ST3GAL6: variants seen among roughly 807,000 people sequenced by gnomAD.
The protein encoded by ST3GAL6 is type 2 lactosamine alpha-2,3-sialyltransferase.
In ST3GAL6, 31 loss-of-function variants were observed where a neutral mutation model predicts 40.5. The observed-to-expected ratio is 0.77, with a 90% CI of 0.58 to 1.03. The LOEUF (loss-of-function observed/expected upper bound fraction) is 1.03, where lower values mean the gene tolerates loss of function less well. Among genes scored for constraint, ST3GAL6 ranks in the 50% least tolerant of loss-of-function variants. The pLI, the probability that ST3GAL6 is intolerant of heterozygous loss-of-function variation, is 0.00. For missense variants in ST3GAL6, 357 were observed against 393.2 expected (o/e 0.91, Z 0.78); for synonymous variants, 129 against 136.9 (o/e 0.94, Z 0.40).
chr3:98,741,526 C>T (rs963376195), intron 1 of ST3GAL6, among the ~76,000 whole-genome samples: 1 of 151,938 alleles, frequency 6.6e-6, no homozygotes, highest in Non-Finnish European at 1.5e-5. Context: ...GAGAAGTGCA[C>T]AAAGTTTGGT....
intron 1 of ST3GAL6, among the ~76,000 whole-genome samples, chr3:98,742,492 CAA>C (rs1664170168): frequency 6.6e-6 from 1 of 152,118 alleles, no homozygotes; most frequent in Non-Finnish European, 1.5e-5. Flanking sequence ...GAGAGGTCTG[CAA>C]GGAGGCTAGG....
intron 1 of ST3GAL6, among the ~76,000 whole-genome samples, chr3:98,753,287 TCTAA>T (rs1409455095): frequency 6.6e-6 from 1 of 152,196 alleles, no homozygotes; most frequent in Non-Finnish European, 1.5e-5. Context: ...CAAACAAGGC[TCTAA>T]CTCTTTTCCA....
chr3:98,777,048 T>G (rs564161583), intron 5 of ST3GAL6, among the ~76,000 whole-genome samples: 1 of 152,318 alleles, frequency 6.6e-6, no homozygotes, highest in East Asian at 1.9e-4. Flanking sequence ...CTTCTCTATC[T>G]TGACGCCACC....
At chr3:98,732,850 G>C in intron 1 of ST3GAL6, 1 of 1,508,870 alleles carries the variant, frequency 6.6e-7, no homozygotes, top group Non-Finnish European at 8.8e-7. Flanking sequence ...CCGGCCTCGG[G>C]CTTCTGCGGC....
At chr3:98,790,001 C>T (rs1012142330) in intron 8 of ST3GAL6, among the ~76,000 whole-genome samples, 3 of 151,986 alleles carry the variant, frequency 2.0e-5, no homozygotes, top group African/African-American at 7.3e-5. Context: ...GTTTTAGAAA[C>T]GTGGAGGTCA....
chr3:98,737,574 TCAC>T (rs913085924), intron 1 of ST3GAL6, among the ~76,000 whole-genome samples: 4 of 152,214 alleles, frequency 2.6e-5, no homozygotes, highest in African/African-American at 9.7e-5. Context: ...TGTCTCATCA[TCAC>T]CACTCTATTA....
intron 1 of ST3GAL6, among the ~76,000 whole-genome samples, chr3:98,740,475 T>G (rs1935983717): frequency 6.6e-6 from 1 of 152,144 alleles, no homozygotes; most frequent in Non-Finnish European, 1.5e-5. Context: ...GCAGGTCTCC[T>G]AGTGCTTCAG....
chr3:98,738,536 C>T (rs1935776919), intron 1 of ST3GAL6, among the ~76,000 whole-genome samples: 1 of 152,170 alleles, frequency 6.6e-6, no homozygotes, highest in African/African-American at 2.4e-5. Flanking sequence ...CCTCGGCCTC[C>T]CAAAGTGTCG....
At chr3:98,762,826 T>A, upstream of ST3GAL6, 1 of 985,432 alleles carries the variant, frequency 1.0e-6, no homozygotes, top group Non-Finnish European at 1.2e-6. Flanking sequence ...ATTAAACATA[T>A]CTAGCATGGG....
At chr3:98,778,398 C>T (rs984283704) in intron 5 of ST3GAL6, among the ~76,000 whole-genome samples, 9 of 152,176 alleles carry the variant, frequency 5.9e-5, no homozygotes, top group Non-Finnish European at 7.3e-5. Flanking sequence ...TAACTCTAAA[C>T]GGAATATCAA....
At chr3:98,742,046 G>A (rs1421097161) in intron 1 of ST3GAL6, among the ~76,000 whole-genome samples, 1 of 152,138 alleles carries the variant, frequency 6.6e-6, no homozygotes, top group Non-Finnish European at 1.5e-5. Flanking sequence ...TTACACAGTA[G>A]AAAGCCAAGT....
At position 98,791,616 on chromosome 3, in the gene ST3GAL6, T is replaced by G. The variant is rs532766027; in HGVS notation, c.757-225T>G. On this transcript the variant is annotated intron_variant, in intron 8 of 9. Coordinates refer to ENST00000483910, the MANE Select transcript of ST3GAL6 (RefSeq NM_001323368.2). The stretch of plus-strand genomic sequence containing the variant: ...CTGGGCTAATACCACAGCTATATTT[T>G]ATTTTAAAGACTTCCTAAGATTTCA... Among the ~76,000 whole-genome samples, 3 of 152,356 alleles carry G rather than the reference T, an allele frequency of 2.0e-5. No homozygotes were observed. The South Asian group carries it at 6.2e-4, about 32-fold the overall frequency.
chr3:98,759,917 A>G (rs1366553976), upstream of ST3GAL6, among the ~76,000 whole-genome samples: 2 of 152,196 alleles, frequency 1.3e-5, no homozygotes, highest in African/African-American at 2.4e-5. Context: ...CTAATAGTAG[A>G]TGGAAGGATG....
intron 8 of ST3GAL6, 93 bp from the exon 9 acceptor site, chr3:98,791,748 A>G (rs959689288): frequency 1.7e-6 from 2 of 1,159,746 alleles, no homozygotes; most frequent in Non-Finnish European, 2.5e-6. Flanking sequence ...AATGTTTAGA[A>G]ATCCCTGTTT....
intron 5 of ST3GAL6, among the ~76,000 whole-genome samples, chr3:98,774,856 C>T (rs570224238): frequency 4.1e-4 from 62 of 152,288 alleles, no homozygotes; most frequent in Middle Eastern, 3.4e-3. Context: ...AGATGCTTGA[C>T]GTGAAGTGTG....
chr3:98,782,359 T>C (rs1223968678), intron 5 of ST3GAL6: 3 of 698,560 alleles, frequency 4.3e-6, no homozygotes, highest in Admixed American at 4.1e-5. Context: ...ATAGGGAAAA[T>C]ATCAGCAATA....
rs114796697 is a variant in ST3GAL6, at chr3:98,793,755, A to G, written c.990A>G (p.Gln330=). ...IEKNLVINLT[Q]D ...AAAACCTCGTAATCAACTTGACTCA[A>G]GATTGACTCTACAGACTCAGAAGAT... is the stretch of plus-strand genomic sequence containing the variant. Residue 330 remains glutamine, a synonymous_variant, in exon 10 of 10, where the codon CAA becomes CAG. Coordinates refer to ENST00000483910, the MANE Select transcript of ST3GAL6 (RefSeq NM_001323368.2). The G allele has an allele frequency of 2.5e-6, 4 of 1,593,304 alleles. No homozygotes were observed. The highest frequency in any genetic ancestry group is 2.7e-5 in the African/African-American group (2 of 74,412).
intron 1 of ST3GAL6, among the ~76,000 whole-genome samples, chr3:98,765,386 A>G (rs934978911): frequency 2.0e-5 from 3 of 152,132 alleles, no homozygotes; most frequent in African/African-American, 7.2e-5. Flanking sequence ...AACCTTATAA[A>G]CCTTCAGTTT....
chr3:98,788,155 T>G lies in ST3GAL6; in HGVS notation c.551T>G (p.Val184Gly). ...DPIHNDPNTT[V>G]ILTAFKPHDL... Reference sequence around the variant, plus strand: ...ATTCACAATGACCCTAATACGACAGTGATTCTCACTGCTTTTAAGCCACAT... The same window carrying G: ...ATTCACAATGACCCTAATACGACAGGGATTCTCACTGCTTTTAAGCCACAT... The change falls in exon 7 of 10, where the codon GTG becomes GGG. Residue 184 changes from valine to glycine, a missense_variant. By Grantham distance (109) the Val-to-Gly change is moderately radical (BLOSUM62 -3). Transcript: ENST00000483910. The G allele has an allele frequency of 6.2e-7, 1 of 1,613,976 alleles. No homozygotes were observed. The highest frequency in any genetic ancestry group is 8.5e-7 in the Non-Finnish European group (1 of 1,179,940).
Sources: gnomAD v4.1 joint callset for allele counts (sites outside exome capture counted in the v4.1 genomes callset) on GRCh38, gnomAD v4.1.1 for gene constraint, MANE v1.5 for transcripts, NCBI Gene and HGNC (gene_info 2026-07-23, HGNC 2026-07-21) for gene names.